SLC24A2: variants seen among roughly 807,000 people sequenced by gnomAD.
SLC24A2 encodes the protein sodium/potassium/calcium exchanger 2.
Under a neutral mutation model 62.0 loss-of-function variants are expected in SLC24A2, and 36 were observed. The observed-to-expected ratio is 0.58, with a 90% confidence interval of 0.44 to 0.77. The LOEUF is 0.77. Among genes scored for constraint, SLC24A2 ranks in the 30% least tolerant of loss-of-function variants. The probability of loss-of-function intolerance (pLI) is 0.00; values close to 1 mark genes in which losing one functional copy is unlikely to be tolerated. For synonymous variants in SLC24A2, 358 were observed against 294.0 expected (o/e 1.22, Z -2.23); for missense variants, 846 against 817.9 (o/e 1.03, Z -0.42).
chr9:20,300,327 G>A, the SLC24A2 span, among the ~76,000 whole-genome samples: 1 of 152,146 alleles, frequency 6.6e-6, no homozygotes, highest in Non-Finnish European at 1.5e-5. Context: ...CTTTAATTGA[G>A]CTCCTCCATC....
At chr9:19,772,225 G>T (rs1337924418) in intron 2 of SLC24A2, among the ~76,000 whole-genome samples, 1 of 152,144 alleles carries the variant, frequency 6.6e-6, no homozygotes, top group Non-Finnish European at 1.5e-5. Context: ...GAAGTCCTGG[G>T]CCCCAAACAA....
the SLC24A2 span, among the ~76,000 whole-genome samples, chr9:19,872,442 C>T: frequency 1.1e-3 from 171 of 152,288 alleles, no homozygotes; most frequent in Non-Finnish European, 2.2e-3. Context: ...GGTTGTTGTA[C>T]CAGTGTATGC....
the SLC24A2 span, among the ~76,000 whole-genome samples, chr9:20,258,381 G>T: frequency 6.6e-6 from 1 of 152,214 alleles, no homozygotes; most frequent in Non-Finnish European, 1.5e-5. Flanking sequence ...GTTTATCTTT[G>T]AGGGTGTTTT....
chr9:19,518,224 A>G (rs567742856), intron 10 of SLC24A2, among the ~76,000 whole-genome samples: 2 of 152,312 alleles, frequency 1.3e-5, no homozygotes, highest in African/African-American at 2.4e-5. Context: ...GTAATGTTAT[A>G]TAGCTGTTTA....
chr9:19,540,346 G>T (rs1160078806), intron 8 of SLC24A2, among the ~76,000 whole-genome samples: 2 of 145,248 alleles, frequency 1.4e-5, no homozygotes. Context: ...GCTGGTACCG[G>T]TTGTTCCTTT....
At chr9:20,047,840 C>T in the SLC24A2 span, among the ~76,000 whole-genome samples, 3 of 151,576 alleles carry the variant, frequency 2.0e-5, no homozygotes, top group Non-Finnish European at 2.9e-5. Flanking sequence ...GAGACACAAA[C>T]ATTCAGACCA....
chr9:19,701,675 T>G (rs551111888), intron 2 of SLC24A2, among the ~76,000 whole-genome samples: 22 of 152,328 alleles, frequency 1.4e-4, no homozygotes, highest in African/African-American at 5.1e-4. Context: ...CTGGCACAAG[T>G]AGACCCAAAC....
intron 2 of SLC24A2, among the ~76,000 whole-genome samples, chr9:19,771,492 C>T (rs1196937813): frequency 2.0e-5 from 3 of 152,096 alleles, no homozygotes; most frequent in African/African-American, 7.2e-5. Context: ...TGTAATGGCC[C>T]TTCATAGTAA....
the SLC24A2 span, among the ~76,000 whole-genome samples, chr9:19,988,618 A>T: frequency 6.6e-6 from 1 of 152,198 alleles, no homozygotes; most frequent in Non-Finnish European, 1.5e-5. Context: ...TTGAATAGGA[A>T]GAGAGACAAG....
At chr9:20,012,223 G>T in the SLC24A2 span, among the ~76,000 whole-genome samples, 1 of 152,198 alleles carries the variant, frequency 6.6e-6, no homozygotes, top group Non-Finnish European at 1.5e-5. Flanking sequence ...AGGTTTACTG[G>T]ATTTACAGTT....
chr9:19,770,457 C>G (rs1822651710), intron 2 of SLC24A2, among the ~76,000 whole-genome samples: 1 of 152,090 alleles, frequency 6.6e-6, no homozygotes, highest in African/African-American at 2.4e-5. Context: ...TTGAACTTTA[C>G]ACTAAAAATG....
chr9:20,263,189 T>C, the SLC24A2 span, among the ~76,000 whole-genome samples: 6 of 152,318 alleles, frequency 3.9e-5, no homozygotes, highest in African/African-American at 1.2e-4. Context: ...CCTGGAAGGA[T>C]AGTCAGCAAT....
At chr9:19,722,358 G>A (rs1006714735) in intron 2 of SLC24A2, among the ~76,000 whole-genome samples, 3 of 151,982 alleles carry the variant, frequency 2.0e-5, no homozygotes, top group African/African-American at 7.2e-5. Context: ...AGAATGCTAG[G>A]TTCAACATAT....
chr9:19,753,050 C>G lies in SLC24A2; in HGVS notation c.930+32887G>C, dbSNP rs146732936. Reference sequence around the variant, plus strand: ...AGGAGGTCCCTGATCCCTCAGGTGCCAGGAGTAAGATTTAGACCTAGATCC... The same window carrying G: ...AGGAGGTCCCTGATCCCTCAGGTGCGAGGAGTAAGATTTAGACCTAGATCC... On this transcript the variant is annotated intron_variant, in intron 2 of 10. Transcript: ENST00000341998. Among the ~76,000 whole-genome samples the G allele has an allele frequency of 2.3e-3, 348 of 152,292 alleles. 1 individual carries two copies. Among genetic ancestry groups the G allele is most frequent in the African/African-American group, 8.1e-3 (335 of 41,560 alleles).
the SLC24A2 span, among the ~76,000 whole-genome samples, chr9:20,055,338 T>C: frequency 3.3e-5 from 5 of 152,356 alleles, no homozygotes; most frequent in African/African-American, 1.2e-4. Flanking sequence ...AGGGAGAAAT[T>C]ATGTTTTATT....
At chr9:19,887,021 G>A in the SLC24A2 span, among the ~76,000 whole-genome samples, 1 of 152,018 alleles carries the variant, frequency 6.6e-6, no homozygotes, top group Non-Finnish European at 1.5e-5. Context: ...ATGGACACAG[G>A]GAGGAAAACA....
the SLC24A2 span, among the ~76,000 whole-genome samples, chr9:19,800,810 C>G: frequency 7.9e-5 from 12 of 152,266 alleles, no homozygotes; most frequent in African/African-American, 1.7e-4. Context: ...GAAAGATTCT[C>G]TTGTTTCCTT....
the SLC24A2 span, among the ~76,000 whole-genome samples, chr9:20,237,355 G>A: frequency 2.0e-5 from 3 of 152,156 alleles, no homozygotes; most frequent in African/African-American, 4.8e-5. Context: ...GAAACAGGCT[G>A]GAAAAAGTTA....
the SLC24A2 span, among the ~76,000 whole-genome samples, chr9:20,078,694 C>A: frequency 6.6e-6 from 1 of 152,140 alleles, no homozygotes; most frequent in Non-Finnish European, 1.5e-5. Flanking sequence ...CTTTCTTATG[C>A]CTTCCAGTTT....
Sources: gnomAD v4.1 joint callset for allele counts (sites outside exome capture counted in the v4.1 genomes callset) on GRCh38, gnomAD v4.1.1 for gene constraint, MANE v1.5 for transcripts, NCBI Gene and HGNC (gene_info 2026-07-23, HGNC 2026-07-21) for gene names.